Variants in MINDY2 observed in about 807,000 individuals in gnomAD.
The protein encoded by MINDY2 is ubiquitin carboxyl-terminal hydrolase MINDY-2.
In MINDY2, 52 loss-of-function variants were observed where a neutral mutation model predicts 68.2. The observed-to-expected ratio is 0.76, with a 90% CI of 0.61 to 0.96. MINDY2 has a LOEUF of 0.96. Among genes scored for constraint, MINDY2 ranks in the 40% least tolerant of loss-of-function variants. The pLI, the probability that MINDY2 is intolerant of heterozygous loss-of-function variation, is 0.00. For missense variants in MINDY2, 881 were observed against 773.4 expected (o/e 1.14, Z -1.65); for synonymous variants, 372 against 303.0 (o/e 1.23, Z -2.36).
chr15:58,823,856 G>A (rs2031227444), intron 5 of MINDY2, among the ~76,000 whole-genome samples: 1 of 152,028 alleles, frequency 6.6e-6, no homozygotes, highest in Non-Finnish European at 1.5e-5. Flanking sequence ...GAATGTATGG[G>A]GAAAAAAATT....
At chr15:58,778,500 T>G (rs1900914941) in intron 1 of MINDY2, among the ~76,000 whole-genome samples, 1 of 150,974 alleles carries the variant, frequency 6.6e-6, no homozygotes, top group Non-Finnish European at 1.5e-5. Context: ...TATTTGATTC[T>G]GTAAAATAAA....
chr15:58,819,890 C>T (rs1421116643), intron 4 of MINDY2, among the ~76,000 whole-genome samples: 1 of 152,132 alleles, frequency 6.6e-6, no homozygotes, highest in African/African-American at 2.4e-5. Context: ...TCCCAAGGAT[C>T]CTCTCGCAAA....
chr15:58,843,832 CAAAAAAAA>C (rs34999651), intron 6 of MINDY2, among the ~76,000 whole-genome samples: 2 of 84,838 alleles, frequency 2.4e-5, no homozygotes, highest in South Asian at 4.2e-4. Context: ...GACTCTGTCT[CAAAAAAAA>C]AAAAAAAAAA....
At chr15:58,833,829 A>G (rs2141025465) in intron 6 of MINDY2, among the ~76,000 whole-genome samples, 1 of 151,962 alleles carries the variant, frequency 6.6e-6, no homozygotes, top group South Asian at 2.1e-4. Flanking sequence ...TCTCAACTGC[A>G]AAGAGGCGTT....
rs574483826 is a variant in MINDY2, at chr15:58,811,798, A to T, written c.1122+1410A>T. Among the ~76,000 whole-genome samples, 401 of 152,326 alleles carry T rather than the reference A, an allele frequency of 2.6e-3. 1 individual carries two copies. The highest frequency in any genetic ancestry group is 3.8e-3 in the Admixed American group (58 of 15,294). ...GGTTAGTCTCCCGAATAGAGAAGAA[A>T]TGGAGAGTCAATTGGAAGGGTGAAA... On this transcript the variant is annotated intron_variant, in intron 4 of 8. Coordinates refer to ENST00000559228, the MANE Select transcript of MINDY2 (RefSeq NM_001040450.3).
chr15:58,824,815 A>G (rs2031292304), intron 5 of MINDY2, among the ~76,000 whole-genome samples: 1 of 151,636 alleles, frequency 6.6e-6, no homozygotes, highest in Admixed American at 6.6e-5. Context: ...GACTACAGGC[A>G]TGTGCCACCA....
At chr15:58,809,191 A>G (rs892260822) in intron 3 of MINDY2, among the ~76,000 whole-genome samples, 11 of 152,164 alleles carry the variant, frequency 7.2e-5, no homozygotes, top group African/African-American at 2.7e-4. Flanking sequence ...TAGCCTGGGC[A>G]ACAGAGTGAG....
chr15:58,776,207 T>C (rs1294138417), intron 1 of MINDY2, among the ~76,000 whole-genome samples: 2 of 152,082 alleles, frequency 1.3e-5, no homozygotes, highest in African/African-American at 4.8e-5. Flanking sequence ...CTAAATGAAT[T>C]CTCCAGAGAG....
At chr15:58,810,456 C>G in intron 4 of MINDY2, 68 bp downstream of exon 4, 3 of 1,348,586 alleles carry the variant, frequency 2.2e-6, no homozygotes, top group Non-Finnish European at 3.0e-6. Flanking sequence ...GCAAATTAAT[C>G]TCAATTTATA....
chr15:58,819,690 C>G (rs1420798953), intron 4 of MINDY2, among the ~76,000 whole-genome samples: 2 of 152,054 alleles, frequency 1.3e-5, no homozygotes, highest in Non-Finnish European at 2.9e-5. Flanking sequence ...ATTGAAAATT[C>G]AGATTATTTG....
intron 2 of MINDY2, among the ~76,000 whole-genome samples, chr15:58,794,934 T>G (rs191454609): frequency 6.6e-6 from 1 of 152,064 alleles, no homozygotes; most frequent in Non-Finnish European, 1.5e-5. Flanking sequence ...ACGGCTGTAA[T>G]CTCAGTACTT....
chr15:58,795,175 C>T (rs1430680381), intron 2 of MINDY2, among the ~76,000 whole-genome samples: 1 of 133,412 alleles, frequency 7.5e-6, no homozygotes, highest in Non-Finnish European at 1.6e-5. Context: ...GACTCGTCTC[C>T]AAAAAATAAA....
chr15:58,845,943 C>T (rs1317302854), intron 6 of MINDY2, among the ~76,000 whole-genome samples: 1 of 152,106 alleles, frequency 6.6e-6, no homozygotes, highest in Non-Finnish European at 1.5e-5. Flanking sequence ...ATAAGCCAGG[C>T]ACAGAAAGAC....
chr15:58,813,223 G>T (rs144554051), intron 4 of MINDY2, among the ~76,000 whole-genome samples: 1 of 152,088 alleles, frequency 6.6e-6, no homozygotes, highest in Non-Finnish European at 1.5e-5. Context: ...CGCCGGGCAC[G>T]GTGGCTCACG....
chr15:58,797,729 G>C (rs1595721635), intron 2 of MINDY2, among the ~76,000 whole-genome samples: 1 of 152,142 alleles, frequency 6.6e-6, no homozygotes, highest in Non-Finnish European at 1.5e-5. Context: ...CCTCTTCCCT[G>C]CTCGTTATCA....
At chr15:58,808,076 C>A (rs2029938824) in intron 3 of MINDY2, among the ~76,000 whole-genome samples, 1 of 151,836 alleles carries the variant, frequency 6.6e-6, no homozygotes. Flanking sequence ...CTTTTCAGTG[C>A]ATTCACTGCA....
rs1450520431 is a variant in MINDY2 at position 58,857,846 on chromosome 15, C to T, written c.*3236C>T. The T allele has an allele frequency of 6.6e-6, 1 of 152,156 alleles. No individual in the cohort carries two copies. The highest frequency in any genetic ancestry group is 1.5e-5 in the Non-Finnish European group (1 of 68,030). The allele number at this position is 152,156 out of a possible 1,614,324, so 9.4% of individuals were successfully genotyped here. On this transcript the variant is annotated 3_prime_UTR_variant, in exon 9 of 9. Coordinates refer to ENST00000559228, the MANE Select transcript of MINDY2 (RefSeq NM_001040450.3). ...GATGAATGAACAAATATGGTCATTG[C>T]ACTTTCCTTTTACTTTCAGAGTCTA...
rs1294677229 is a variant in MINDY2, at chr15:58,790,872, T to G, written c.898+2909T>G. Among the ~76,000 whole-genome samples, 3 of 151,940 alleles carry G rather than the reference T, an allele frequency of 2.0e-5. No homozygotes were observed. In the East Asian group the frequency reaches 5.8e-4, roughly 29 times the overall value. On this transcript the variant is annotated intron_variant, in intron 2 of 8. Transcript: ENST00000559228. ...TTGCAGGATTTTTGTTTTTAGATGTTTATTTACATCAAAATGGAGCGATCA... is the reference window on the plus strand; with the variant it reads ...TTGCAGGATTTTTGTTTTTAGATGTGTATTTACATCAAAATGGAGCGATCA...
chr15:58,850,472 T>A (rs549347505), intron 7 of MINDY2, among the ~76,000 whole-genome samples: 1 of 152,308 alleles, frequency 6.6e-6, no homozygotes, highest in Non-Finnish European at 1.5e-5. Context: ...CTCTATGTAA[T>A]GATATTATGG....
Sources: allele counts gnomAD v4.1 joint callset (sites outside exome capture counted in the v4.1 genomes callset), GRCh38; gene constraint gnomAD v4.1.1; transcripts MANE v1.5; gene names NCBI Gene and HGNC (gene_info 2026-07-23, HGNC 2026-07-21).